KCTD16: variants seen among roughly 807,000 people sequenced by gnomAD.
KCTD16 encodes the protein potassium channel tetramerization domain containing 16.
Under a neutral mutation model 33.2 loss-of-function variants are expected in KCTD16, and 13 were observed. That is an observed-to-expected ratio of 0.39 (90% CI 0.25 to 0.62). KCTD16 has a LOEUF of 0.62. Among genes scored for constraint, KCTD16 ranks in the 20% least tolerant of loss-of-function variants. The pLI, the probability that KCTD16 is intolerant of heterozygous loss-of-function variation, is 0.50. For missense variants in KCTD16, 441 were observed against 525.1 expected (o/e 0.84, Z 1.57); for synonymous variants, 197 against 195.3 (o/e 1.01, Z -0.07).
intron 3 of KCTD16, among the ~76,000 whole-genome samples, chr5:144,290,459 G>A (rs977046164): frequency 6.6e-6 from 1 of 152,092 alleles, no homozygotes; most frequent in Non-Finnish European, 1.5e-5. Context: ...GCAATGATAG[G>A]TATTCTTCAA....
chr5:144,352,496 G>A (rs1048187148), intron 3 of KCTD16, among the ~76,000 whole-genome samples: 1 of 152,182 alleles, frequency 6.6e-6, no homozygotes, highest in Non-Finnish European at 1.5e-5. Flanking sequence ...CCTGAAACTG[G>A]TGCTACTTGG....
intron 3 of KCTD16, among the ~76,000 whole-genome samples, chr5:144,343,556 G>A (rs561543309): frequency 3.9e-4 from 59 of 151,926 alleles, no homozygotes; most frequent in Middle Eastern, 3.4e-3. Flanking sequence ...ATTTTTTGAA[G>A]GGTTTTTTGT....
chr5:144,375,976 G>A (rs933223826), intron 3 of KCTD16, among the ~76,000 whole-genome samples: 11 of 151,902 alleles, frequency 7.2e-5, no homozygotes, highest in South Asian at 4.2e-4. Context: ...GGCACGAGCC[G>A]CTAAATCTGG....
rs189847885 is a variant in KCTD16, at chr5:144,353,754, C to A, written c.833-119906C>A. Among the ~76,000 whole-genome samples the A allele has an allele frequency of 1.6e-4, 24 of 152,222 alleles. No individual in the cohort carries two copies. In the East Asian group the frequency reaches 2.7e-3, roughly 17 times the overall value. On this transcript the variant is annotated intron_variant, in intron 3 of 3. Transcript: ENST00000512467. ...ACTAGCATTTAATTATACTGAGTGA[C>A]ATGCAAATATATGCAAATAATGAAT...
chr5:144,269,854 CAG>C lies in KCTD16; in HGVS notation c.832+62311_832+62312del, dbSNP rs1290628288. 3.3e-5 allele frequency among the ~76,000 whole-genome samples: 5 copies of C among 152,066 alleles called. No individual in the cohort carries two copies. The East Asian group carries it at 5.8e-4, about 18-fold the overall frequency. On this transcript the variant is annotated intron_variant, in intron 3 of 3. Transcript: ENST00000512467. ...CCTCAGCAATTCAAAGAGGTGGAAA[CAG>C]AGTTGTAAAAGAGCATAGTTTGTGT...
intron 3 of KCTD16, among the ~76,000 whole-genome samples, chr5:144,390,697 C>T (rs1475369557): frequency 6.6e-6 from 1 of 151,830 alleles, no homozygotes; most frequent in Non-Finnish European, 1.5e-5. Context: ...CCCCGACGGG[C>T]CCCGGTGTGT....
intron 3 of KCTD16, among the ~76,000 whole-genome samples, chr5:144,309,858 G>A (rs1239982762): frequency 6.6e-6 from 1 of 152,052 alleles, no homozygotes; most frequent in Non-Finnish European, 1.5e-5. Context: ...GAACAGGGAA[G>A]CAGAAGGGTG....
intron 3 of KCTD16, among the ~76,000 whole-genome samples, chr5:144,300,788 T>C (rs1751413598): frequency 6.6e-6 from 1 of 152,110 alleles, no homozygotes; most frequent in South Asian, 2.1e-4. Flanking sequence ...TCTTAAGCAC[T>C]AAATGAGAGT....
At chr5:144,461,747 C>T (rs1440568075) in intron 3 of KCTD16, among the ~76,000 whole-genome samples, 1 of 152,252 alleles carries the variant, frequency 6.6e-6, no homozygotes, top group Non-Finnish European at 1.5e-5. Flanking sequence ...CTCACACTCA[C>T]TCTTTAGCCA....
chr5:144,217,127 AC>A (rs1753588797), intron 3 of KCTD16, among the ~76,000 whole-genome samples: 2 of 152,344 alleles, frequency 1.3e-5, no homozygotes, highest in South Asian at 4.1e-4. Context: ...TTCTGAAGCT[AC>A]CCCAAACAGA....
chr5:144,477,294 A>G lies in KCTD16; in HGVS notation c.*3180A>G, dbSNP rs1754615209. On this transcript the variant is annotated 3_prime_UTR_variant, in exon 4 of 4. Coordinates refer to ENST00000512467, the MANE Select transcript of KCTD16 (RefSeq NM_020768.4). ...GAAGTGGCTTCCAAAATATGCACTG[A>G]TGTTATCCTTTGTATTTATAGGCAC... is the stretch of plus-strand genomic sequence containing the variant. The G allele has an allele frequency of 2.0e-5, 3 of 152,158 alleles. No homozygotes were observed. The South Asian group carries it at 6.2e-4, about 31-fold the overall frequency. 9.4% of individuals were successfully genotyped at this position (152,158 alleles called of 1,614,324 possible). A position where few individuals can be genotyped will look rare whatever the true frequency, so the allele number is the denominator to read the frequency against.
At chr5:144,220,731 G>T (rs1011356304) in intron 3 of KCTD16, among the ~76,000 whole-genome samples, 1 of 152,118 alleles carries the variant, frequency 6.6e-6, no homozygotes, top group South Asian at 2.1e-4. Context: ...CACTAGGTCA[G>T]GAGATCGAGA....
intron 3 of KCTD16, among the ~76,000 whole-genome samples, chr5:144,327,985 A>G (rs947243414): frequency 6.6e-6 from 1 of 152,130 alleles, no homozygotes; most frequent in African/African-American, 2.4e-5. Flanking sequence ...TTTATTTAAT[A>G]TTGGTAGATT....
chr5:144,468,115 T>G (rs1754388606), intron 3 of KCTD16, among the ~76,000 whole-genome samples: 2 of 152,192 alleles, frequency 1.3e-5, no homozygotes, highest in Non-Finnish European at 2.9e-5. Flanking sequence ...TTCAGAAACA[T>G]CAGCACCAGC....
chr5:144,458,918 A>G (rs2126990676), intron 3 of KCTD16, among the ~76,000 whole-genome samples: 1 of 152,332 alleles, frequency 6.6e-6, no homozygotes, highest in Non-Finnish European at 1.5e-5. Flanking sequence ...GAAGGCAGTA[A>G]TTAACCAGAA....
rs369710224 is a variant in KCTD16 at position 144,331,820 on chromosome 5, G to A, written c.832+124274G>A. ...ATGTGATTATCTATAAAAGTGCTTT[G>A]GTGCCCTTGAATTCAACTCTTATTT... is the stretch of plus-strand genomic sequence containing the variant. On this transcript the variant is annotated intron_variant, in intron 3 of 3. Coordinates refer to ENST00000512467, the MANE Select transcript of KCTD16 (RefSeq NM_020768.4). Among the ~76,000 whole-genome samples, 140 of 152,254 alleles carry A rather than the reference G, an allele frequency of 9.2e-4. 1 individual carries two copies. The highest frequency in any genetic ancestry group is 3.3e-3 in the African/African-American group (136 of 41,546).
At chr5:144,464,684 CTCTTACTCCTCT>C (rs1289961336) in intron 3 of KCTD16, among the ~76,000 whole-genome samples, 1 of 145,388 alleles carries the variant, frequency 6.9e-6, no homozygotes, top group Non-Finnish European at 1.5e-5. Flanking sequence ...CCTCATCCTC[CTCTTACTCCTCT>C]TCTTCCTCCT....
At chr5:144,351,542 C>T (rs1751435427) in intron 3 of KCTD16, among the ~76,000 whole-genome samples, 2 of 152,156 alleles carry the variant, frequency 1.3e-5, no homozygotes, top group Non-Finnish European at 2.9e-5. Flanking sequence ...AACAATCTCA[C>T]TTCTGCTTAA....
intron 3 of KCTD16, among the ~76,000 whole-genome samples, chr5:144,352,413 A>G (rs1751467314): frequency 6.6e-6 from 1 of 152,178 alleles, no homozygotes; most frequent in African/African-American, 2.4e-5. Flanking sequence ...ATACTAGGGA[A>G]TAAATGGTGT....
Sources: allele counts gnomAD v4.1 joint callset (sites outside exome capture counted in the v4.1 genomes callset), GRCh38; gene constraint gnomAD v4.1.1; transcripts MANE v1.5; gene names NCBI Gene and HGNC (gene_info 2026-07-23, HGNC 2026-07-21).